The following FOXN1 variants were observed in gnomAD, a reference collection of about 807,000 sequenced individuals.
FOXN1 encodes forkhead box N1, also known as forkhead box protein N1.
A neutral mutation model predicts 49.0 loss-of-function variants in FOXN1; 15 were observed. That is an observed-to-expected ratio of 0.31 (90% CI 0.20 to 0.47). The LOEUF is 0.47. Among genes scored for constraint, FOXN1 ranks in the 20% least tolerant of loss-of-function variants. FOXN1 has a pLI of 1.00. For missense variants in FOXN1, 800 were observed against 842.8 expected (o/e 0.95, Z 0.63); for synonymous variants, 356 against 369.0 (o/e 0.96, Z 0.40).
At chr17:28,525,385 G>A (rs1465562311) in intron 3 of FOXN1, among the ~76,000 whole-genome samples, 1 of 152,192 alleles carries the variant, frequency 6.6e-6, no homozygotes, top group Non-Finnish European at 1.5e-5. Context: ...AGCATACAGA[G>A]TTGAGAGAGG....
At position 28,524,639 on chromosome 17, in the gene FOXN1, G is replaced by A. The variant is rs777223855; in HGVS notation, c.260G>A (p.Gly87Asp). ...QVQGHCPAGPGPGPFRLSPSD... is the reference protein window; with the variant it reads ...QVQGHCPAGPDPGPFRLSPSD... ...CAGGGCCACTGCCCAGCCGGCCCCGGCCCTGGGCCCTTCAGGCTCTCACCC... is the reference window on the plus strand; with the variant it reads ...CAGGGCCACTGCCCAGCCGGCCCCGACCCTGGGCCCTTCAGGCTCTCACCC... Residue 87 changes from glycine (G) to aspartate (D), a missense_variant, in exon 3 of 9, where the codon GGC (glycine) becomes GAC (aspartate). This residue lies in a region of FOXN1 where 383 missense variants were observed against 357.9 expected (regional missense o/e 1.07). Transcript: ENST00000579795. 6.2e-7 allele frequency: 1 copy of A among 1,613,582 alleles called. No homozygotes were observed. The highest frequency in any genetic ancestry group is 1.3e-5 in the African/African-American group (1 of 74,944).
chr17:28,508,008 T>TCCCCGCCCAG (rs1555606382), intron 1 of FOXN1, among the ~76,000 whole-genome samples: 1 of 152,208 alleles, frequency 6.6e-6, no homozygotes, highest in Non-Finnish European at 1.5e-5. Flanking sequence ...TCCTCCCGGC[T>TCCCCGCCCAG]CCCCGCCCAG....
intron 2 of FOXN1, 98 bp downstream of exon 2, chr17:28,524,190 G>A: frequency 7.6e-7 from 1 of 1,310,418 alleles, no homozygotes; most frequent in Non-Finnish European, 1.1e-6. Flanking sequence ...GGACCTCCCA[G>A]GGCCTGTCTT....
intron 1 of FOXN1, among the ~76,000 whole-genome samples, chr17:28,511,445 G>A (rs1451199513): frequency 4.6e-5 from 7 of 152,132 alleles, no homozygotes; most frequent in Admixed American, 2.6e-4. Context: ...CCAGCAGGAC[G>A]AGGGCCCTCT....
Position 28,537,124 on chromosome 17 carries a change from G to A in FOXN1, c.1635G>A (p.Leu545=). ...CTCTCCTTCCCCATCTAGGAAACCT[G>A]TGGGAACAGTTGAAGGATGATAGCT... ...SLTDFDFQGN[L]WEQLKDDSLA... Residue 545 remains leucine (L), a synonymous_variant, in exon 9 of 9, where the codon CTG becomes CTA. Coordinates refer to ENST00000579795, the MANE Select transcript of FOXN1 (RefSeq NM_001369369.1). The A allele has an allele frequency of 3.1e-6, 5 of 1,613,984 alleles. No homozygotes were observed. The highest frequency in any genetic ancestry group is 4.2e-6 in the Non-Finnish European group (5 of 1,179,842).
chr17:28,529,158 G>T lies in FOXN1; in HGVS notation c.764G>T (p.Arg255Leu). The change falls in exon 5 of 9, where the codon CGA becomes CTA. Residue 255 changes from arginine to leucine, a missense_variant. Coordinates refer to ENST00000579795, the MANE Select transcript of FOXN1 (RefSeq NM_001369369.1). ...YLGSSHYQYQ[R>L]MAPQASTDGH... is the part of the protein sequence containing the mutation. Reference sequence around the variant, plus strand: ...GGCTCCTCACACTATCAGTACCAGCGAATGGCACCCCAGGCCAGCACCGAT... The same window carrying T: ...GGCTCCTCACACTATCAGTACCAGCTAATGGCACCCCAGGCCAGCACCGAT... 6.2e-7 allele frequency: 1 copy of T among 1,614,142 alleles called. No individual in the cohort carries two copies. Among genetic ancestry groups the T allele is most frequent in the Non-Finnish European group, 8.5e-7 (1 of 1,180,016 alleles).
chr17:28,531,934 T>C (rs978908194), intron 6 of FOXN1, among the ~76,000 whole-genome samples: 4 of 152,072 alleles, frequency 2.6e-5, no homozygotes, highest in Non-Finnish European at 5.9e-5. Flanking sequence ...AGTGTGTTGA[T>C]CCACCAGAGG....
At chr17:28,526,996 G>A (rs991509519) in intron 3 of FOXN1, among the ~76,000 whole-genome samples, 7 of 152,124 alleles carry the variant, frequency 4.6e-5, no homozygotes, top group African/African-American at 1.7e-4. Context: ...TGACTTCTCA[G>A]GACAGCCCAG....
At chr17:28,517,642 G>A (rs1385718522) in intron 1 of FOXN1, among the ~76,000 whole-genome samples, 32 of 48,306 alleles carry the variant, frequency 6.6e-4, no homozygotes, top group African/African-American at 1.4e-3. Context: ...CCTCCACAGG[G>A]TACAGACCTC....
chr17:28,522,968 A>C (rs2069671323), intron 1 of FOXN1, among the ~76,000 whole-genome samples: 1 of 151,628 alleles, frequency 6.6e-6, no homozygotes, highest in Admixed American at 6.6e-5. Context: ...TGACACTCAC[A>C]ACATCTGTGT....
intron 2 of FOXN1, 132 bp downstream of exon 2, chr17:28,524,224 C>T (rs901912093): frequency 5.5e-5 from 51 of 927,126 alleles, no homozygotes; most frequent in Non-Finnish European, 7.8e-5. Flanking sequence ...GCAAACAAGT[C>T]CTCAGGGACC....
rs2069731615 is a variant in FOXN1, at chr17:28,524,910, A to T, written c.531A>T (p.Ala177=). The change falls in exon 3 of 9, where the codon GCA becomes GCT. Residue 177 remains alanine (A), a synonymous_variant. Transcript: ENST00000579795. Reference sequence around the variant, plus strand: ...AGGCCTTCCTGCCTGGCTTCTCAGCAGAGGCCTGGTGTAACGGGCTCCCCT... The same window carrying T: ...AGGCCTTCCTGCCTGGCTTCTCAGCTGAGGCCTGGTGTAACGGGCTCCCCT... ...EAEAFLPGFS[A]EAWCNGLPYP... The T allele has an allele frequency of 1.9e-6, 3 of 1,613,176 alleles. No homozygotes were observed. The African/African-American group carries it at 4.0e-5, about 22-fold the overall frequency.
At chr17:28,532,962 C>T (rs1473875680) in intron 6 of FOXN1, among the ~76,000 whole-genome samples, 7 of 152,134 alleles carry the variant, frequency 4.6e-5, no homozygotes, top group African/African-American at 1.7e-4. Context: ...AAGGTGAATC[C>T]CTAGTTGGCT....
intron 1 of FOXN1, among the ~76,000 whole-genome samples, chr17:28,506,748 C>A (rs1299529737): frequency 1.3e-5 from 2 of 152,136 alleles, no homozygotes; most frequent in Non-Finnish European, 2.9e-5. Flanking sequence ...ATGCGCTCAC[C>A]CACCCTGTGC....
At chr17:28,515,062 C>T (rs573911315) in intron 1 of FOXN1, among the ~76,000 whole-genome samples, 1 of 152,232 alleles carries the variant, frequency 6.6e-6, no homozygotes, top group Admixed American at 6.5e-5. Context: ...TCAGTTTCCT[C>T]ATCTATAAAA....
chr17:28,534,506 C>T lies in FOXN1; in HGVS notation c.1103C>T (p.Pro368Leu), dbSNP rs1233364407. 1 of 1,613,722 alleles carries T rather than the reference C, an allele frequency of 6.2e-7. No homozygotes were observed. Among genetic ancestry groups the T allele is most frequent in the East Asian group, 2.2e-5 (1 of 44,894 alleles). The change falls in exon 7 of 9, where the codon CCC becomes CTC. Residue 368 changes from proline to leucine, a missense_variant. Pro to Leu is a moderately conservative substitution (Grantham distance 98). Around this residue, in one of 3 missense-constraint regions of FOXN1, gnomAD observed 344 missense variants for 366.1 expected, o/e 0.94. Coordinates refer to ENST00000579795, the MANE Select transcript of FOXN1 (RefSeq NM_001369369.1). The surrounding 1 kb of genome is among the most constrained non-coding windows in gnomAD (Gnocchi z 4.1). Reference protein sequence around the residue: ...EELQKWKRKDPIAVRKSMAKP... With the variant: ...EELQKWKRKDLIAVRKSMAKP... ...CTGCAAAAATGGAAGAGGAAAGATC[C>T]CATTGCTGTGCGCAAAAGCATGGCC... is the stretch of plus-strand genomic sequence containing the variant.
At chr17:28,520,521 G>A (rs1048827983) in intron 1 of FOXN1, among the ~76,000 whole-genome samples, 4 of 152,304 alleles carry the variant, frequency 2.6e-5, no homozygotes, top group Admixed American at 2.0e-4. Flanking sequence ...CATCCTTAAT[G>A]CAAATTAAGG....
chr17:28,508,493 C>T (rs1214265059), intron 1 of FOXN1, among the ~76,000 whole-genome samples: 1 of 152,170 alleles, frequency 6.6e-6, no homozygotes, highest in Non-Finnish European at 1.5e-5. Flanking sequence ...AACATATCGC[C>T]TCTTTCCTTG....
Position 28,537,168 on chromosome 17 carries a change from T to G in FOXN1, c.1679T>G (p.Val560Gly). Residue 560 changes from valine (V) to glycine (G), a missense_variant, in exon 9 of 9, where the codon GTA becomes GGA. Around this residue, in one of 3 missense-constraint regions of FOXN1, gnomAD observed 344 missense variants for 366.1 expected, o/e 0.94. Transcript: ENST00000579795. The part of the protein sequence containing the change: ...KDDSLALDPL[V>G]LVTSSPTSSS... ...GATAGCTTGGCCCTCGACCCCCTGG[T>G]ACTGGTGACCTCATCCCCGACATCA... The G allele has an allele frequency of 6.2e-7, 1 of 1,614,034 alleles. No homozygotes were observed. Among genetic ancestry groups the G allele is most frequent in the Middle Eastern group, 1.6e-4 (1 of 6,062 alleles).
Sources: gnomAD v4.1 joint callset for allele counts (sites outside exome capture counted in the v4.1 genomes callset) on GRCh38, gnomAD v4.1.1 for gene constraint, gnomAD v4.1.1 regional missense constraint, Gnocchi (gnomAD v3.1) non-coding constraint, MANE v1.5 for transcripts, NCBI Gene and HGNC (gene_info 2026-07-23, HGNC 2026-07-21) for gene names.